GRIP1: variants seen among roughly 807,000 people sequenced by gnomAD.
The protein encoded by GRIP1 is glutamate receptor-interacting protein 1.
Under a neutral mutation model 129.9 loss-of-function variants are expected in GRIP1, and 45 were observed. That is an observed-to-expected ratio of 0.35 (90% CI 0.27 to 0.44). The LOEUF is 0.44. GRIP1 is among the 20% of genes least tolerant of loss of function. The pLI, the probability that GRIP1 is intolerant of heterozygous loss-of-function variation, is 1.00. For synonymous variants in GRIP1, 530 were observed against 520.8 expected, an observed-to-expected ratio of 1.02 and a Z score of -0.24; for missense variants, 1,196 against 1,396.8, an observed-to-expected ratio of 0.86 and a Z score of 2.29.
At chr12:67,057,558 T>C (rs2135874767) in intron 1 of GRIP1, among the ~76,000 whole-genome samples, 1 of 151,586 alleles carries the variant, frequency 6.6e-6, no homozygotes, top group South Asian at 2.1e-4. Flanking sequence ...TCTGGGAGGG[T>C]AAGGGTCTGA....
intron 1 of GRIP1, among the ~76,000 whole-genome samples, chr12:67,030,983 A>G (rs189185980): frequency 6.6e-6 from 1 of 152,196 alleles, no homozygotes; most frequent in East Asian, 1.9e-4. Context: ...TATAATCTCA[A>G]TTTCTTTGTA....
intron 7 of GRIP1, among the ~76,000 whole-genome samples, chr12:66,496,228 C>T (rs1592431183): frequency 6.6e-6 from 1 of 152,276 alleles, no homozygotes; most frequent in East Asian, 1.9e-4. Flanking sequence ...CTAAGAGCAT[C>T]TCCTTTTACC....
At position 66,377,029 on chromosome 12, in the gene GRIP1, G is replaced by A; in HGVS notation, c.2766C>T (p.Asn922=). 6.2e-7 allele frequency: 1 copy of A among 1,611,390 alleles called. No homozygotes were observed. The highest frequency in any genetic ancestry group is 8.5e-7 in the Non-Finnish European group (1 of 1,177,506). Residue 922 remains asparagine, a synonymous_variant, in exon 22 of 25, where the codon AAC becomes AAT. Coordinates refer to ENST00000359742, the MANE Select transcript of GRIP1 (RefSeq NM_001366722.1). The part of the protein sequence containing the change: ...EKADRRVSLR[N]MTLLATIMSG... ...AAAGGGTAGCTACCAAGAGAGTCAT[G>A]TTTCTCAAAGACACACGCCTGTCAG... is the stretch of plus-strand genomic sequence containing the variant.
chr12:66,396,674 G>A (rs138311831), intron 16 of GRIP1, among the ~76,000 whole-genome samples: 27 of 152,228 alleles, frequency 1.8e-4, no homozygotes, highest in African/African-American at 6.0e-4. Context: ...TCTGGGAAAT[G>A]GTACCTCTTA....
At chr12:66,631,633 C>T (rs1022211614) in intron 1 of GRIP1, among the ~76,000 whole-genome samples, 1 of 152,028 alleles carries the variant, frequency 6.6e-6, no homozygotes, top group South Asian at 2.1e-4. Context: ...CTTTTTAATA[C>T]GATGCCCATC....
chr12:66,927,033 G>A (rs2041308203), intron 1 of GRIP1, among the ~76,000 whole-genome samples: 1 of 152,080 alleles, frequency 6.6e-6, no homozygotes. Context: ...TGAGTGAAAG[G>A]GCTTCTACGA....
chr12:66,969,173 A>G (rs1430617829), intron 1 of GRIP1, among the ~76,000 whole-genome samples: 1 of 152,182 alleles, frequency 6.6e-6, no homozygotes, highest in Admixed American at 6.6e-5. Context: ...GTTGAATGTC[A>G]TATATCTAAG....
chr12:66,810,989 G>A (rs1036658102), intron 1 of GRIP1, among the ~76,000 whole-genome samples: 2 of 152,178 alleles, frequency 1.3e-5, no homozygotes, highest in Non-Finnish European at 2.9e-5. Flanking sequence ...AAAGACAGTG[G>A]AGGACAGTGC....
chr12:66,805,978 CTTTT>C (rs79756327), upstream of GRIP1, among the ~76,000 whole-genome samples: 1 of 126,418 alleles, frequency 7.9e-6, no homozygotes, highest in African/African-American at 2.9e-5. Context: ...TTTTTTTTTT[CTTTT>C]TTTTTTTTTT....
At chr12:66,801,198 C>T (rs2038847592) in intron 1 of GRIP1, among the ~76,000 whole-genome samples, 1 of 151,950 alleles carries the variant, frequency 6.6e-6, no homozygotes, top group African/African-American at 2.4e-5. Context: ...AAGACTAAAA[C>T]CCAGAAATGT....
chr12:66,838,756 C>A (rs2039662799), intron 1 of GRIP1, among the ~76,000 whole-genome samples: 1 of 151,888 alleles, frequency 6.6e-6, no homozygotes, highest in African/African-American at 2.4e-5. Flanking sequence ...GGTGACTGGG[C>A]AAGAGAGAAA....
At chr12:66,668,292 T>C (rs565016417) in intron 1 of GRIP1, among the ~76,000 whole-genome samples, 1 of 152,326 alleles carries the variant, frequency 6.6e-6, no homozygotes, top group Admixed American at 6.5e-5. Flanking sequence ...ACAAACCATT[T>C]AGAAAAACAA....
At chr12:66,435,078 C>T (rs760445548) in intron 13 of GRIP1, among the ~76,000 whole-genome samples, 1 of 152,088 alleles carries the variant, frequency 6.6e-6, no homozygotes, top group Non-Finnish European at 1.5e-5. Context: ...AGCCTCCACA[C>T]AAGTGTTTAC....
chr12:66,598,996 A>G (rs1250693809), intron 1 of GRIP1, among the ~76,000 whole-genome samples: 1 of 152,218 alleles, frequency 6.6e-6, no homozygotes, highest in Non-Finnish European at 1.5e-5. Context: ...TTTGCATTTC[A>G]GAAGTAGTGA....
At chr12:66,924,076 A>C (rs1314366021) in intron 1 of GRIP1, among the ~76,000 whole-genome samples, 3 of 152,062 alleles carry the variant, frequency 2.0e-5, no homozygotes, top group Non-Finnish European at 2.9e-5. Flanking sequence ...GACTCCTGGC[A>C]GCAGGTGATT....
chr12:66,400,251 C>T (rs561381954), intron 16 of GRIP1, among the ~76,000 whole-genome samples: 1 of 150,366 alleles, frequency 6.7e-6, no homozygotes, highest in South Asian at 2.1e-4. Flanking sequence ...TGGGTGATTC[C>T]GATGTACACT....
intron 1 of GRIP1, among the ~76,000 whole-genome samples, chr12:66,927,858 T>G (rs1400349477): frequency 2.6e-5 from 4 of 152,272 alleles, no homozygotes; most frequent in African/African-American, 9.6e-5. Context: ...TTAGCCTTGG[T>G]GATAATGGTT....
chr12:66,896,608 T>C lies in GRIP1; in HGVS notation c.58+172442A>G, dbSNP rs189174107. 1.5e-3 allele frequency among the ~76,000 whole-genome samples: 230 copies of C among 152,290 alleles called. 1 individual carries two copies. The highest frequency in any genetic ancestry group is 4.7e-3 in the African/African-American group (195 of 41,566). ...GTGTCATCTGTGATATGCTTTTGCATATGAATGGCTACCCCTTCCAGAGAT... is the reference window on the plus strand; with the variant it reads ...GTGTCATCTGTGATATGCTTTTGCACATGAATGGCTACCCCTTCCAGAGAT... On this transcript the variant is annotated intron_variant, in intron 1 of 1. Transcript: ENST00000643019.
chr12:66,917,543 A>G (rs1672487641), intron 1 of GRIP1, among the ~76,000 whole-genome samples: 1 of 152,246 alleles, frequency 6.6e-6, no homozygotes, highest in African/African-American at 2.4e-5. Flanking sequence ...TAATTTGTGT[A>G]TGACATTAAT....
Sources: gnomAD v4.1 joint callset for allele counts (sites outside exome capture counted in the v4.1 genomes callset) on GRCh38, gnomAD v4.1.1 for gene constraint, MANE v1.5 for transcripts, NCBI Gene and HGNC (gene_info 2026-07-23, HGNC 2026-07-21) for gene names.